The following FGF9 variants were observed in gnomAD, a reference collection of about 807,000 sequenced individuals.
The protein encoded by FGF9 is fibroblast growth factor 9.
A neutral mutation model predicts 19.9 loss-of-function variants in FGF9; 3 were observed. The ratio of observed to expected loss-of-function variants is 0.15; its 90% CI spans 0.07 to 0.39. The LOEUF (loss-of-function observed/expected upper bound fraction) is 0.39. FGF9 is among the 10% of genes least tolerant of loss of function. FGF9 has a pLI of 1.00. For missense variants in FGF9, 175 were observed against 256.8 expected (o/e 0.68, Z 2.18); for synonymous variants, 107 against 106.9 (o/e 1.00, Z -0.01).
At chr13:21,673,032 G>T (rs557514963) in intron 1 of FGF9, among the ~76,000 whole-genome samples, 33 of 152,308 alleles carry the variant, frequency 2.2e-4, no homozygotes, top group African/African-American at 7.9e-4. Context: ...AGACTCGAGG[G>T]CTGGTGGCTC....
chr13:21,680,820 G>A (rs1026300317), intron 1 of FGF9, among the ~76,000 whole-genome samples: 6 of 152,202 alleles, frequency 3.9e-5, no homozygotes, highest in African/African-American at 1.4e-4. Context: ...TGTAAGTCAT[G>A]TTGGTAAGTA....
Position 21,691,511 on chromosome 13 carries a change from C to T in FGF9, c.382-9679C>T, listed in dbSNP as rs1042907760. ...GGTCTTTCCTCTGTCCCTGCCTCAT[C>T]TGCCTCATCTTGTCTCTGCTTCTGT... is the stretch of plus-strand genomic sequence containing the variant. On this transcript the variant is annotated intron_variant, in intron 2 of 2. Transcript: ENST00000382353. The surrounding 1 kb of genome is among the most constrained non-coding windows in gnomAD (Gnocchi z 4.2). Among the ~76,000 whole-genome samples, 4 of 152,248 alleles carry T rather than the reference C, an allele frequency of 2.6e-5. No homozygotes were observed. The highest frequency in any genetic ancestry group is 2.6e-4 in the Admixed American group (4 of 15,286).
intron 1 of FGF9, among the ~76,000 whole-genome samples, chr13:21,679,778 A>C (rs1871997347): frequency 6.8e-6 from 1 of 147,950 alleles, no homozygotes; most frequent in African/African-American, 2.5e-5. Flanking sequence ...CTCTACTAAA[A>C]ATACAAAAAA....
intron 2 of FGF9, among the ~76,000 whole-genome samples, chr13:21,682,421 A>G (rs1565950005): frequency 6.6e-6 from 1 of 152,210 alleles, no homozygotes; most frequent in Non-Finnish European, 1.5e-5. Flanking sequence ...ACAGAAATGA[A>G]GGGCAAAACT....
intron 1 of FGF9, among the ~76,000 whole-genome samples, chr13:21,678,637 G>A (rs1011343021): frequency 6.6e-6 from 1 of 152,106 alleles, no homozygotes; most frequent in Non-Finnish European, 1.5e-5. Flanking sequence ...GGACCTGATG[G>A]GCAACACTGG....
In FGF9 at chr13:21,691,583, C is replaced by T. The variant is rs182568364; in HGVS notation, c.382-9607C>T. On this transcript the variant is annotated intron_variant, in intron 2 of 2. Coordinates refer to ENST00000382353, the MANE Select transcript of FGF9 (RefSeq NM_002010.3). This position sits in a 1 kb window ranked among gnomAD's most constrained non-coding sequence, Gnocchi z 4.2. ...GCATCTTTGCTGACATGTGGAGAGT[C>T]CTCCCCTGTCAGCATCAGCAGCCCC... Among the ~76,000 whole-genome samples, 1 of 152,322 alleles carries T rather than the reference C, an allele frequency of 6.6e-6. No individual in the cohort carries two copies. The highest frequency in any genetic ancestry group is 1.9e-4 in the East Asian group (1 of 5,184).
chr13:21,671,322 A>AT lies in FGF9; in HGVS notation c.-585dup, dbSNP rs886050040. Reference sequence around the variant, plus strand: ...TTCTTTTTGTTTTATTATTATTATCATTTTTTGGAGGGGGGACCGGGAGGG... The same window carrying AT: ...TTCTTTTTGTTTTATTATTATTATCATTTTTTTGGAGGGGGGACCGGGAGGG... On this transcript the variant is annotated 5_prime_UTR_variant, in exon 1 of 3. Coordinates refer to ENST00000382353, the MANE Select transcript of FGF9 (RefSeq NM_002010.3). 1.6e-4 allele frequency: 60 copies of AT among 381,914 alleles called. No homozygotes were observed. The highest frequency in any genetic ancestry group is 2.6e-4 in the Non-Finnish European group (56 of 216,836). 23.7% of individuals were successfully genotyped at this position (381,914 alleles called of 1,614,324 possible).
intron 2 of FGF9, among the ~76,000 whole-genome samples, chr13:21,686,149 C>T (rs918504899): frequency 3.9e-5 from 6 of 152,202 alleles, no homozygotes; most frequent in Non-Finnish European, 8.8e-5. Flanking sequence ...CCTGCCTCAG[C>T]CTCCCGAGTA....
intron 1 of FGF9, among the ~76,000 whole-genome samples, chr13:21,675,327 C>G (rs927428302): frequency 9.2e-5 from 14 of 152,096 alleles, no homozygotes; most frequent in African/African-American, 3.4e-4. Context: ...GCCGCGGTCT[C>G]CCGCTGCTGC....
At chr13:21,683,244 G>A (rs1872084368) in intron 2 of FGF9, among the ~76,000 whole-genome samples, 2 of 152,216 alleles carry the variant, frequency 1.3e-5, no homozygotes, top group African/African-American at 2.4e-5. Flanking sequence ...TTGTTGCCCA[G>A]GCTGTCTCAT....
chr13:21,678,340 A>G (rs972481603), intron 1 of FGF9, among the ~76,000 whole-genome samples: 1 of 152,234 alleles, frequency 6.6e-6, no homozygotes, highest in Non-Finnish European at 1.5e-5. Flanking sequence ...TAAGATGTGC[A>G]TAATAGTTAA....
chr13:21,683,628 T>C (rs1872092305), intron 2 of FGF9, among the ~76,000 whole-genome samples: 1 of 152,184 alleles, frequency 6.6e-6, no homozygotes, highest in Admixed American at 6.5e-5. Context: ...AAGGGTAAAA[T>C]GGCTCTTCTT....
chr13:21,681,259 T>C (rs1872036764), intron 2 of FGF9, 114 bp downstream of exon 2: 6 of 800,800 alleles, frequency 7.5e-6, no homozygotes, highest in African/African-American at 3.4e-5. Context: ...GGAAGGCGAG[T>C]GTAAGTTTTT....
intron 2 of FGF9, among the ~76,000 whole-genome samples, chr13:21,684,781 T>A (rs1282912950): frequency 3.3e-5 from 5 of 152,244 alleles, no homozygotes; most frequent in Non-Finnish European, 4.4e-5. Flanking sequence ...TAGTTTGAAT[T>A]TCTCAGCCTT....
rs1871801916 is a variant in FGF9, at chr13:21,672,887, C to T, written c.277+698C>T. Among the ~76,000 whole-genome samples, 1 of 152,222 alleles carries T rather than the reference C, an allele frequency of 6.6e-6. No homozygotes were observed. The highest frequency in any genetic ancestry group is 2.1e-4 in the South Asian group (1 of 4,830). ...CTTTTAAATTTCCATAGTGTGCAGC[C>T]CTGTGTAGGTCTCCTGCGTGGCTCT... On this transcript the variant is annotated intron_variant, in intron 1 of 2. Transcript: ENST00000382353. The surrounding 1 kb of genome is among the most constrained non-coding windows in gnomAD (Gnocchi z 4.2).
chr13:21,674,692 C>T (rs1871863624), intron 1 of FGF9, among the ~76,000 whole-genome samples: 1 of 151,712 alleles, frequency 6.6e-6, no homozygotes, highest in African/African-American at 2.4e-5. Context: ...TCACGCACCC[C>T]TTCCCTCCAT....
intron 1 of FGF9, among the ~76,000 whole-genome samples, chr13:21,679,213 A>G (rs1208671338): frequency 6.6e-6 from 1 of 152,260 alleles, no homozygotes; most frequent in Non-Finnish European, 1.5e-5. Context: ...TCCTATTAAA[A>G]TAATTACATT....
In FGF9 at chr13:21,692,709, GCTGTACTC is replaced by G. The variant is rs1275568103; in HGVS notation, c.382-8480_382-8473del. On this transcript the variant is annotated intron_variant, in intron 2 of 2. Coordinates refer to ENST00000382353, the MANE Select transcript of FGF9 (RefSeq NM_002010.3). Reference sequence around the variant, plus strand: ...CCAAGTGTGTGGGGGTGACAGAAATGCTGTACTCACACGAGAGACGCACTGACACTGTG... The same window carrying G: ...CCAAGTGTGTGGGGGTGACAGAAATGACACGAGAGACGCACTGACACTGTG... Among the ~76,000 whole-genome samples, 4 of 152,184 alleles carry G rather than the reference GCTGTACTC, an allele frequency of 2.6e-5. No homozygotes were observed. The East Asian group carries it at 7.7e-4, about 29-fold the overall frequency.
chr13:21,678,838 T>C (rs1871973823), intron 1 of FGF9, among the ~76,000 whole-genome samples: 1 of 152,260 alleles, frequency 6.6e-6, no homozygotes, highest in Non-Finnish European at 1.5e-5. Context: ...CGACGAAAAT[T>C]GAACATTAAT....
Sources: allele counts gnomAD v4.1 joint callset (sites outside exome capture counted in the v4.1 genomes callset), GRCh38; gene constraint gnomAD v4.1.1; non-coding constraint Gnocchi (gnomAD v3.1); transcripts MANE v1.5; gene names NCBI Gene and HGNC (gene_info 2026-07-23, HGNC 2026-07-21).